Variants in LIMK1 observed in about 807,000 individuals in gnomAD.
LIMK1 encodes LIM domain kinase 1.
In LIMK1, 21 loss-of-function variants were observed where a neutral mutation model predicts 77.6. The observed-to-expected ratio is 0.27, with a 90% CI of 0.19 to 0.39. The LOEUF is 0.39. Ranked by LOEUF, LIMK1 falls within the 10% of genes least tolerant of loss-of-function variation. The pLI is 1.00. For missense variants in LIMK1, 696 were observed against 901.6 expected, an observed-to-expected ratio of 0.77 and a Z score of 2.92; for synonymous variants, 358 against 370.0, an observed-to-expected ratio of 0.97 and a Z score of 0.37.
intron 12 of LIMK1, among the ~76,000 whole-genome samples, chr7:74,115,059 ATCAG>A (rs1441520656): frequency 6.6e-6 from 1 of 152,042 alleles, no homozygotes; most frequent in African/African-American, 2.4e-5. Flanking sequence ...CCCTATCTCA[ATCAG>A]TCAATCAACC....
At chr7:74,117,798 A>G (rs1468953892) in intron 13 of LIMK1, among the ~76,000 whole-genome samples, 6 of 152,146 alleles carry the variant, frequency 3.9e-5, no homozygotes, top group Non-Finnish European at 1.5e-5. Context: ...CAACGGAGTG[A>G]GACCCTGTCT....
intron 9 of LIMK1, 56 bp from the exon 10 acceptor site, chr7:74,108,849 C>T (rs1799637796): frequency 1.3e-6 from 2 of 1,586,226 alleles, no homozygotes; most frequent in Non-Finnish European, 1.7e-6. Context: ...AGAAGCAGAC[C>T]CAAGCACAGC....
chr7:74,096,747 A>C lies in LIMK1; in HGVS notation c.278A>C (p.Lys93Thr). 6.2e-7 allele frequency: 1 copy of C among 1,608,380 alleles called. No individual in the cohort carries two copies. Among genetic ancestry groups the C allele is most frequent in the Non-Finnish European group, 8.5e-7 (1 of 1,176,302 alleles). The change falls in exon 3 of 16, where the codon AAG (lysine) becomes ACG (threonine). Residue 93 changes from lysine to threonine, a missense_variant. Physicochemically the swap from Lys to Thr is moderately conservative, Grantham distance 78. Around this residue, in one of 3 missense-constraint regions of LIMK1, gnomAD observed 252 missense variants for 279.4 expected, o/e 0.90. Coordinates refer to ENST00000336180, the MANE Select transcript of LIMK1 (RefSeq NM_002314.4). ...CATGGGTGCTCTGAGCAAATCACCA[A>C]GGGACTGGTTATGGTGAGCGCCCCC... ...SCHGCSEQIT[K>T]GLVMVAGELK...
At chr7:74,120,860 C>G (rs782675832) in intron 14 of LIMK1, 32 bp from the exon 15 acceptor site, 1 of 1,613,742 alleles carries the variant, frequency 6.2e-7, no homozygotes, top group East Asian at 2.2e-5. Flanking sequence ...TGAGGGCCCC[C>G]TGGAGTAACT....
intron 4 of LIMK1, among the ~76,000 whole-genome samples, chr7:74,097,899 G>A (rs539604060): frequency 5.9e-5 from 9 of 152,318 alleles, no homozygotes; most frequent in African/African-American, 2.2e-4. Context: ...TGCCAAGTTT[G>A]ATCGTTTGCT....
intron 2 of LIMK1, among the ~76,000 whole-genome samples, chr7:74,091,809 A>C (rs1382438515): frequency 2.6e-5 from 4 of 152,108 alleles, no homozygotes; most frequent in Admixed American, 1.3e-4. Context: ...TGTCGGGGGT[A>C]GGGCCGGTGC....
intron 5 of LIMK1, among the ~76,000 whole-genome samples, chr7:74,105,272 G>A (rs1799543856): frequency 6.6e-6 from 1 of 152,180 alleles, no homozygotes; most frequent in Admixed American, 6.5e-5. Context: ...CCCTTTGGGA[G>A]GCTAAGGCGG....
In LIMK1 at chr7:74,120,544, C is replaced by G. The variant is rs201566876; in HGVS notation, c.1568-39C>G. On this transcript the variant is annotated intron_variant, in intron 13 of 15. Transcript: ENST00000336180. ...CTGCCTTTTGGCATCCCTGGCACCCCCATGTGTTCATCTGCTGACAGTCGG... is the reference window on the plus strand; with the variant it reads ...CTGCCTTTTGGCATCCCTGGCACCCGCATGTGTTCATCTGCTGACAGTCGG... 6.1e-5 allele frequency: 98 copies of G among 1,610,590 alleles called. No individual in the cohort carries two copies. The African/African-American group carries it at 1.2e-3, about 20-fold the overall frequency.
At chr7:74,085,045 C>G (rs1554693865) in intron 1 of LIMK1, among the ~76,000 whole-genome samples, 1 of 152,194 alleles carries the variant, frequency 6.6e-6, no homozygotes, top group Admixed American at 6.5e-5. Flanking sequence ...GCTCAGTCTC[C>G]CCTTCTGTAC....
chr7:74,120,645 C>G lies in LIMK1; in HGVS notation c.1623+7C>G. The G allele has an allele frequency of 6.2e-7, 1 of 1,614,100 alleles. No individual in the cohort carries two copies. On this transcript the variant is annotated splice_region_variant and intron_variant, in intron 14 of 15. Transcript: ENST00000336180. ...TGGGATCGTCCTGTGCGAGGTAGGT[C>G]CAGGGTTGGGTAGCAGCGGTGTTGA...
At chr7:74,115,616 C>G (rs987718286) in intron 12 of LIMK1, 186 bp from the exon 13 acceptor site, 2 of 593,498 alleles carry the variant, frequency 3.4e-6, no homozygotes, top group Non-Finnish European at 5.9e-6. Flanking sequence ...AGGTGCTTCC[C>G]GCAGCTCCAT....
At chr7:74,089,784 C>T (rs978762909) in intron 2 of LIMK1, among the ~76,000 whole-genome samples, 1 of 152,058 alleles carries the variant, frequency 6.6e-6, no homozygotes, top group Admixed American at 6.6e-5. Flanking sequence ...TCAGAAAAAA[C>T]GGCCGCCTCG....
intron 10 of LIMK1, 94 bp downstream of exon 10, chr7:74,109,130 A>T: frequency 5.0e-6 from 5 of 999,918 alleles, no homozygotes. Flanking sequence ...CAATGGGGGG[A>T]AGCCACAGGG....
At chr7:74,120,841 TG>T (rs1554700417) in intron 14 of LIMK1, 50 bp from the exon 15 acceptor site, 1 of 1,611,052 alleles carries the variant, frequency 6.2e-7, no homozygotes, top group African/African-American at 1.3e-5. Context: ...GGCACCCAGA[TG>T]CCCAGGCTGA....
chr7:74,094,557 T>C (rs1799302423), intron 2 of LIMK1, among the ~76,000 whole-genome samples: 1 of 151,424 alleles, frequency 6.6e-6, no homozygotes, highest in African/African-American at 2.4e-5. Context: ...GTGTGATCGG[T>C]GTAAGGGCAG....
Position 74,107,936 on chromosome 7 carries a change from C to G in LIMK1, c.1131C>G (p.Thr377=). 6.4e-7 allele frequency: 1 copy of G among 1,571,442 alleles called. No individual in the cohort carries two copies. Among genetic ancestry groups the G allele is most frequent in the East Asian group, 2.3e-5 (1 of 42,848 alleles). Reference sequence around the variant, plus strand: ...AGCTGATCCGGTTCGACGAGGAGACCCAGAGGACGTTCCTCAAGGAGGTCA... The same window carrying G: ...AGCTGATCCGGTTCGACGAGGAGACGCAGAGGACGTTCCTCAAGGAGGTCA... ...MKELIRFDEE[T]QRTFLKEVKV... The change falls in exon 9 of 16, where the codon ACC becomes ACG. Residue 377 remains threonine, a synonymous_variant. Transcript: ENST00000336180.
chr7:74,107,749 A>C, intron 8 of LIMK1, 122 bp from the exon 9 acceptor site: 1 of 702,524 alleles, frequency 1.4e-6, no homozygotes, highest in Non-Finnish European at 2.5e-6. Context: ...CATCCCATGC[A>C]CAGCCTAGAG....
chr7:74,122,149 C>T lies in LIMK1; in HGVS notation c.*848C>T, dbSNP rs1799954090. 1 of 152,770 alleles carries T rather than the reference C, an allele frequency of 6.5e-6. No individual in the cohort carries two copies. The highest frequency in any genetic ancestry group is 6.6e-5 in the Admixed American group (1 of 15,258). The allele number at this position is 152,770 out of a possible 1,614,324, so 9.5% of individuals were successfully genotyped here. On this transcript the variant is annotated 3_prime_UTR_variant, in exon 16 of 16. Coordinates refer to ENST00000336180, the MANE Select transcript of LIMK1 (RefSeq NM_002314.4). Reference sequence around the variant, plus strand: ...GTCATCTCAGAGCCCCTTCCCGGGCCTCTCCCCCAAGGCTCCCTGCCCCTC... The same window carrying T: ...GTCATCTCAGAGCCCCTTCCCGGGCTTCTCCCCCAAGGCTCCCTGCCCCTC...
In LIMK1 at chr7:74,106,104, C is replaced by T. The variant is rs782432791; in HGVS notation, c.742C>T (p.Arg248Cys). The T allele has an allele frequency of 1.9e-6, 3 of 1,614,086 alleles. No homozygotes were observed. The highest frequency in any genetic ancestry group is 2.5e-6 in the Non-Finnish European group (3 of 1,180,012). Residue 248 changes from arginine (R) to cysteine (C), a missense_variant, in exon 7 of 16, where the codon CGC (arginine) becomes TGC (cysteine). Physicochemically the swap from Arg to Cys is radical, Grantham distance 180. Around this residue, in one of 3 missense-constraint regions of LIMK1, gnomAD observed 438 missense variants for 602.3 expected, o/e 0.73. Transcript: ENST00000336180. ...EIDLLIQETS[R>C]LLQLTLEHDP... ...TGACCTGCTGATTCAGGAAACCAGC[C>T]GCCTGCTCCAGCTGACCCTCGAGCA...
Sources: allele counts gnomAD v4.1 joint callset (sites outside exome capture counted in the v4.1 genomes callset), GRCh38; gene constraint gnomAD v4.1.1; regional missense constraint gnomAD v4.1.1; transcripts MANE v1.5; gene names NCBI Gene and HGNC (gene_info 2026-07-23, HGNC 2026-07-21).